CHST11: variants seen among roughly 807,000 people sequenced by gnomAD.
CHST11 encodes carbohydrate sulfotransferase 11.
In CHST11, 9 loss-of-function variants were observed where a neutral mutation model predicts 30.4. The ratio of observed to expected loss-of-function variants is 0.30; its 90% CI spans 0.18 to 0.52. CHST11 has a LOEUF of 0.52. CHST11 is among the 20% of genes least tolerant of loss of function. CHST11 has a pLI of 0.97. For missense variants in CHST11, 348 were observed against 460.6 expected (o/e 0.76, Z 2.24); for synonymous variants, 152 against 187.8 (o/e 0.81, Z 1.56).
chr12:104,588,583 T>C (rs1444684982), intron 1 of CHST11, among the ~76,000 whole-genome samples: 1 of 152,228 alleles, frequency 6.6e-6, no homozygotes, highest in Admixed American at 6.5e-5. Context: ...ATTCCTTCCT[T>C]GCCTGCCTCG....
chr12:104,502,070 C>T (rs1365360853), intron 1 of CHST11, among the ~76,000 whole-genome samples: 1 of 151,816 alleles, frequency 6.6e-6, no homozygotes, highest in Non-Finnish European at 1.5e-5. Flanking sequence ...ACTTTGTCAC[C>T]CAGGCTGGAG....
intron 1 of CHST11, among the ~76,000 whole-genome samples, chr12:104,531,385 G>A (rs1310603758): frequency 6.6e-6 from 1 of 151,156 alleles, no homozygotes; most frequent in Non-Finnish European, 1.5e-5. Context: ...AGGTACTTGA[G>A]AGGCAAGAGG....
intron 2 of CHST11, among the ~76,000 whole-genome samples, chr12:104,610,719 G>A (rs2039052178): frequency 6.6e-6 from 1 of 152,212 alleles, no homozygotes; most frequent in South Asian, 2.1e-4. Flanking sequence ...GACATCGGGG[G>A]TGAGAGGGTG....
intron 2 of CHST11, among the ~76,000 whole-genome samples, chr12:104,670,657 C>CCA (rs752307093): frequency 8.4e-5 from 11 of 130,630 alleles, no homozygotes; most frequent in Non-Finnish European, 1.7e-4. Context: ...CCACACATAC[C>CCA]CACACACACA....
intron 1 of CHST11, among the ~76,000 whole-genome samples, chr12:104,523,505 C>T (rs185577960): frequency 6.6e-6 from 1 of 152,184 alleles, no homozygotes; most frequent in Non-Finnish European, 1.5e-5. Flanking sequence ...ATGAAAAAAA[C>T]CCCAAATCAG....
intron 1 of CHST11, among the ~76,000 whole-genome samples, chr12:104,543,283 C>T (rs2038303480): frequency 6.6e-6 from 1 of 152,218 alleles, no homozygotes; most frequent in South Asian, 2.1e-4. Flanking sequence ...AGGTATCAGC[C>T]TCCATGACGC....
At chr12:104,623,390 C>G (rs766782320) in intron 2 of CHST11, among the ~76,000 whole-genome samples, 16 of 152,162 alleles carry the variant, frequency 1.1e-4, no homozygotes, top group African/African-American at 2.2e-4. Flanking sequence ...GATGTACGGT[C>G]GAGGTCCAGG....
At chr12:104,487,315 G>A (rs2037690422) in intron 1 of CHST11, among the ~76,000 whole-genome samples, 1 of 152,188 alleles carries the variant, frequency 6.6e-6, no homozygotes, top group Non-Finnish European at 1.5e-5. Context: ...AGGCAGGAGT[G>A]CAGTGGCATG....
chr12:104,460,149 G>A (rs779715972), intron 1 of CHST11, among the ~76,000 whole-genome samples: 9 of 152,162 alleles, frequency 5.9e-5, no homozygotes, highest in Non-Finnish European at 1.2e-4. Flanking sequence ...TGGGGGTAAG[G>A]AGAGCTGATC....
At chr12:104,566,241 C>A (rs899408762) in intron 1 of CHST11, among the ~76,000 whole-genome samples, 3 of 152,120 alleles carry the variant, frequency 2.0e-5, no homozygotes, top group Non-Finnish European at 4.4e-5. Context: ...TTTATGGTCC[C>A]CCATAAATTA....
chr12:104,504,959 C>T (rs374432859), intron 1 of CHST11, among the ~76,000 whole-genome samples: 2 of 152,154 alleles, frequency 1.3e-5, no homozygotes, highest in Non-Finnish European at 1.5e-5. Context: ...TGCCAGAGTC[C>T]AGCCTTGCAC....
intron 1 of CHST11, among the ~76,000 whole-genome samples, chr12:104,500,273 T>C (rs117814757): frequency 2.8e-4 from 42 of 152,364 alleles, no homozygotes; most frequent in Non-Finnish European, 5.1e-4. Flanking sequence ...GCCTCTCCTC[T>C]GGCAGCCTTG....
chr12:104,559,193 G>T (rs77679569), intron 1 of CHST11, among the ~76,000 whole-genome samples: 1 of 152,138 alleles, frequency 6.6e-6, no homozygotes, highest in Admixed American at 6.5e-5. Flanking sequence ...TCTAGGTATC[G>T]CCTCTCTAAG....
intron 1 of CHST11, among the ~76,000 whole-genome samples, chr12:104,475,980 C>A (rs2037556682): frequency 7.2e-6 from 1 of 139,806 alleles, no homozygotes; most frequent in Non-Finnish European, 1.5e-5. Context: ...AAAAGTTATC[C>A]CTCATATATT....
At chr12:104,631,783 ACAG>A (rs2039272757) in intron 2 of CHST11, among the ~76,000 whole-genome samples, 1 of 152,230 alleles carries the variant, frequency 6.6e-6, no homozygotes, top group Non-Finnish European at 1.5e-5. Context: ...AACAACAGTG[ACAG>A]CAGAGCCTAA....
Position 104,459,904 on chromosome 12 carries a change from T to C in CHST11, c.118+2375T>C, listed in dbSNP as rs142282367. Among the ~76,000 whole-genome samples, 10 of 152,348 alleles carry C rather than the reference T, an allele frequency of 6.6e-5. No individual in the cohort carries two copies. In the East Asian group the frequency reaches 1.9e-3, roughly 29 times the overall value. The stretch of plus-strand genomic sequence containing the variant: ...ATTGTGTTGAATGTAGAATTACAGA[T>C]AGTTCAGTTGAAAGGCCTTCCTTAT... On this transcript the variant is annotated intron_variant, in intron 1 of 2. Coordinates refer to ENST00000303694, the MANE Select transcript of CHST11 (RefSeq NM_018413.6).
intron 1 of CHST11, among the ~76,000 whole-genome samples, chr12:104,530,241 A>C (rs1416499689): frequency 6.6e-6 from 1 of 152,108 alleles, no homozygotes; most frequent in East Asian, 1.9e-4. Context: ...ATGCTCAATA[A>C]ATGTTAGTTA....
chr12:104,542,215 C>T (rs974384103), intron 1 of CHST11, among the ~76,000 whole-genome samples: 1 of 152,166 alleles, frequency 6.6e-6, no homozygotes, highest in African/African-American at 2.4e-5. Flanking sequence ...AAAAATTAAA[C>T]GTAGAATTAT....
chr12:104,518,980 T>C (rs1460271341), intron 1 of CHST11, among the ~76,000 whole-genome samples: 1 of 151,500 alleles, frequency 6.6e-6, no homozygotes, highest in East Asian at 1.9e-4. Context: ...CTTTCTTTTT[T>C]TTTTTTTTTA....
Sources: gnomAD v4.1 joint callset for allele counts (sites outside exome capture counted in the v4.1 genomes callset) on GRCh38, gnomAD v4.1.1 for gene constraint, MANE v1.5 for transcripts, NCBI Gene and HGNC (gene_info 2026-07-23, HGNC 2026-07-21) for gene names.